The following ZNF431 variants were observed in gnomAD, a reference collection of about 807,000 sequenced individuals.
The protein encoded by ZNF431 is zinc finger protein 431.
Under a neutral mutation model 57.0 loss-of-function variants are expected in ZNF431, and 34 were observed. The ratio of observed to expected loss-of-function variants is 0.60; its 90% CI spans 0.45 to 0.79. The LOEUF is 0.79. Ranked by LOEUF, ZNF431 falls within the 30% of genes least tolerant of loss-of-function variation. The probability of loss-of-function intolerance (pLI) is 0.00; values close to 1 mark genes in which losing one functional copy is unlikely to be tolerated. For synonymous variants in ZNF431, 207 were observed against 220.3 expected, an observed-to-expected ratio of 0.94 and a Z score of 0.54; for missense variants, 607 against 667.1, an observed-to-expected ratio of 0.91 and a Z score of 0.99.
Position 21,182,897 on chromosome 19 carries a change from T to C in ZNF431, c.594T>C (p.His198=), listed in dbSNP as rs532269575. 19 of 1,613,890 alleles carry C rather than the reference T, an allele frequency of 1.2e-5. No individual in the cohort carries two copies. The highest frequency in any genetic ancestry group is 1.4e-5 in the Non-Finnish European group (17 of 1,179,942). ...ATGCAAATAGACATAAGACAAGACA[T>C]ACTGGAAAGAAACCTTTCAAATGTA... ...FLNANRHKTR[H]TGKKPFKCKK... The change falls in exon 5 of 5, where the codon CAT becomes CAC. Residue 198 remains histidine, a synonymous_variant. Transcript: ENST00000311048.
chr19:21,158,766 A>G (rs1001906769), intron 2 of ZNF431, among the ~76,000 whole-genome samples: 4 of 152,168 alleles, frequency 2.6e-5, no homozygotes, highest in Non-Finnish European at 5.9e-5. Flanking sequence ...TCATCTGGAC[A>G]TAAGGATAGT....
intron 4 of ZNF431, among the ~76,000 whole-genome samples, chr19:21,172,471 A>T (rs1297444142): frequency 6.6e-6 from 1 of 151,888 alleles, no homozygotes; most frequent in Non-Finnish European, 1.5e-5. Flanking sequence ...AAAAACACAT[A>T]ACATAAAATT....
At chr19:21,174,557 A>G (rs1168726527) in intron 4 of ZNF431, among the ~76,000 whole-genome samples, 1 of 152,120 alleles carries the variant, frequency 6.6e-6, no homozygotes, top group African/African-American at 2.4e-5. Context: ...CAAGCATATT[A>G]TATACAATAT....
At chr19:21,155,998 A>G (rs536286720) in intron 2 of ZNF431, among the ~76,000 whole-genome samples, 2 of 152,146 alleles carry the variant, frequency 1.3e-5, no homozygotes, top group South Asian at 2.1e-4. Flanking sequence ...CCCCCTTTTC[A>G]CAAAGCTGCC....
intron 4 of ZNF431, among the ~76,000 whole-genome samples, chr19:21,181,107 ATAAT>A (rs534044161): frequency 2.0e-4 from 30 of 152,252 alleles, no homozygotes; most frequent in African/African-American, 6.5e-4. Context: ...ATTTTAGAGA[ATAAT>A]TAATATTTTT....
intron 2 of ZNF431, among the ~76,000 whole-genome samples, chr19:21,158,932 C>T (rs1382438850): frequency 6.6e-6 from 1 of 152,110 alleles, no homozygotes; most frequent in Non-Finnish European, 1.5e-5. Context: ...AGCTTGTGTC[C>T]ATTCAGTATG....
intron 2 of ZNF431, among the ~76,000 whole-genome samples, chr19:21,157,848 ATT>A (rs112684254): frequency 2.2e-4 from 30 of 137,602 alleles, no homozygotes; most frequent in Admixed American, 2.9e-4. Flanking sequence ...TTTTTAATGA[ATT>A]TTTTTTTTTT....
chr19:21,160,544 A>G (rs1011483944), intron 2 of ZNF431, among the ~76,000 whole-genome samples: 7 of 152,164 alleles, frequency 4.6e-5, no homozygotes, highest in East Asian at 1.9e-4. Context: ...TCCATTTTCT[A>G]TTTAGAATCA....
intron 3 of ZNF431, among the ~76,000 whole-genome samples, chr19:21,167,205 A>G (rs1351572606): frequency 6.7e-6 from 1 of 149,798 alleles, no homozygotes; most frequent in African/African-American, 2.5e-5. Flanking sequence ...CTTGTTGCCT[A>G]GGCTGGAGTG....
At chr19:21,146,411 A>G (rs1242273013) in intron 2 of ZNF431, among the ~76,000 whole-genome samples, 5 of 1,472 alleles carry the variant, frequency 3.4e-3, no homozygotes, top group Middle Eastern at 0.5. Context: ...CTCTGTCTGA[A>G]AAAAAAAAAA....
chr19:21,144,939 T>G (rs1048219834), intron 2 of ZNF431, among the ~76,000 whole-genome samples: 1 of 151,968 alleles, frequency 6.6e-6, no homozygotes, highest in Non-Finnish European at 1.5e-5. Context: ...CCTAGAAGTA[T>G]TCCCATATAA....
At chr19:21,153,640 C>T (rs1010242737) in intron 2 of ZNF431, among the ~76,000 whole-genome samples, 2 of 152,198 alleles carry the variant, frequency 1.3e-5, no homozygotes, top group African/African-American at 4.8e-5. Flanking sequence ...AACTAGTAAA[C>T]ATAACTACAG....
chr19:21,146,544 T>A lies in ZNF431; in HGVS notation c.96+2901T>A, dbSNP rs1351727390. Among the ~76,000 whole-genome samples, 3 of 152,136 alleles carry A rather than the reference T, an allele frequency of 2.0e-5. No homozygotes were observed. The East Asian group carries it at 5.8e-4, about 29-fold the overall frequency. ...TCTTGATTATATGCTAAACAAGGGATGGATTATTTATGCCTCCCAATTTTA... is the reference window on the plus strand; with the variant it reads ...TCTTGATTATATGCTAAACAAGGGAAGGATTATTTATGCCTCCCAATTTTA... On this transcript the variant is annotated intron_variant, in intron 2 of 4. Transcript: ENST00000311048.
At chr19:21,155,577 T>C (rs1970396046) in intron 2 of ZNF431, among the ~76,000 whole-genome samples, 1 of 152,186 alleles carries the variant, frequency 6.6e-6, no homozygotes, top group South Asian at 2.1e-4. Flanking sequence ...GGTAGCTTGA[T>C]GGGGATGGCA....
In ZNF431 at chr19:21,189,962, G is replaced by T; in HGVS notation, c.*5928G>T. On this transcript the variant is annotated 3_prime_UTR_variant, in exon 5 of 5. Coordinates refer to ENST00000311048, the MANE Select transcript of ZNF431 (RefSeq NM_133473.4). ...AGTTTGAGACCAGCCTGGACAACGT[G>T]GAAAAACCCCATCTCTACTAAAAAT... is the stretch of plus-strand genomic sequence containing the variant. 1 of 397,290 alleles carries T rather than the reference G, an allele frequency of 2.5e-6. No individual in the cohort carries two copies. Among genetic ancestry groups the T allele is most frequent in the East Asian group, 3.6e-5 (1 of 28,052 alleles). The allele number at this position is 397,290 out of a possible 1,614,324, so 24.6% of individuals were successfully genotyped here.
intron 4 of ZNF431, 119 bp from the exon 5 acceptor site, chr19:21,182,504 C>A: frequency 1.8e-6 from 2 of 1,107,266 alleles, no homozygotes; most frequent in Non-Finnish European, 2.5e-6. Flanking sequence ...GGATTTAGGG[C>A]CTATGGTATT....
chr19:21,166,202 T>G, intron 2 of ZNF431, 133 bp from the exon 3 acceptor site: 1 of 1,342,172 alleles, frequency 7.5e-7, no homozygotes, highest in Middle Eastern at 1.9e-4. Flanking sequence ...TAAAAATTAT[T>G]GGATAATTTC....
chr19:21,173,121 T>C (rs1243897338), intron 4 of ZNF431, among the ~76,000 whole-genome samples: 3 of 152,228 alleles, frequency 2.0e-5, no homozygotes, highest in Non-Finnish European at 2.9e-5. Context: ...TATGAAAACA[T>C]TTGATCTTTG....
In ZNF431 at chr19:21,189,649, A is replaced by T. The variant is rs1303361507; in HGVS notation, c.*5615A>T. 2 of 358,620 alleles carry T rather than the reference A, an allele frequency of 5.6e-6. No homozygotes were observed. The highest frequency in any genetic ancestry group is 9.8e-5 in the Admixed American group (2 of 20,324). The allele number at this position is 358,620 out of a possible 1,614,324, so 22.2% of individuals were successfully genotyped here. ...TTTGACTATAATTATGTATTATTTC[A>T]CAAACATGTTTCCAGCCTTCCATTT... On this transcript the variant is annotated 3_prime_UTR_variant, in exon 5 of 5. Transcript: ENST00000311048.
Sources: allele counts gnomAD v4.1 joint callset (sites outside exome capture counted in the v4.1 genomes callset), GRCh38; gene constraint gnomAD v4.1.1; transcripts MANE v1.5; gene names NCBI Gene and HGNC (gene_info 2026-07-23, HGNC 2026-07-21).